The following UBE2W variants were observed in gnomAD, a reference collection of about 807,000 sequenced individuals.
UBE2W encodes the protein ubiquitin-conjugating enzyme E2 W.
In UBE2W, 18 loss-of-function variants were observed where a neutral mutation model predicts 27.2. The observed-to-expected ratio is 0.66, with a 90% CI of 0.46 to 0.98. The LOEUF (loss-of-function observed/expected upper bound fraction) is 0.98. Among genes scored for constraint, UBE2W ranks in the 50% least tolerant of loss-of-function variants. UBE2W has a pLI of 0.00. For synonymous variants in UBE2W, 53 were observed against 57.2 expected (o/e 0.93, Z 0.33); for missense variants, 90 against 180.2 (o/e 0.50, Z 2.87).
chr8:73,840,291 C>T (rs769009849), intron 1 of UBE2W, among the ~76,000 whole-genome samples: 2 of 149,528 alleles, frequency 1.3e-5, no homozygotes, highest in Non-Finnish European at 3.0e-5. Context: ...CTCCTGACCT[C>T]GTGATCCGCC....
At chr8:73,855,222 C>A (rs1015368695) in intron 1 of UBE2W, among the ~76,000 whole-genome samples, 1 of 152,072 alleles carries the variant, frequency 6.6e-6, no homozygotes, top group Non-Finnish European at 1.5e-5. Flanking sequence ...AGTGAGAGAG[C>A]ACTTTTTACT....
chr8:73,812,788 A>ACAG (rs796879628), intron 3 of UBE2W, among the ~76,000 whole-genome samples: 23 of 152,136 alleles, frequency 1.5e-4, no homozygotes, highest in African/African-American at 5.5e-4. Flanking sequence ...GGATCACCTG[A>ACAG]GGTCAGCAGT....
chr8:73,787,716 C>CA lies in UBE2W; in HGVS notation c.*6385dup, dbSNP rs1214779986. The stretch of plus-strand genomic sequence containing the variant: ...TCTTCTTGCAGCTTCAAGAGTCACT[C>CA]ATTTAAGTCATTAGTTGATCTGTTT... On this transcript the variant is annotated 3_prime_UTR_variant, in exon 6 of 6. Transcript: ENST00000602593. 2 of 985,296 alleles carry CA rather than the reference C, an allele frequency of 2.0e-6. No homozygotes were observed. Among genetic ancestry groups the CA allele is most frequent in the African/African-American group, 3.5e-5 (2 of 57,228 alleles). 61.0% of individuals were successfully genotyped at this position (985,296 alleles called of 1,614,324 possible). A position where few individuals can be genotyped will look rare whatever the true frequency, so the allele number is the denominator to read the frequency against.
chr8:73,797,618 A>ATACTAC (rs1227737832), intron 5 of UBE2W, among the ~76,000 whole-genome samples: 1 of 152,220 alleles, frequency 6.6e-6, no homozygotes, highest in Non-Finnish European at 1.5e-5. Flanking sequence ...AAGGAGTTTG[A>ATACTAC]TACTACTAGT....
At chr8:73,820,788 C>A (rs926089852) in intron 3 of UBE2W, among the ~76,000 whole-genome samples, 1 of 150,496 alleles carries the variant, frequency 6.6e-6, no homozygotes, top group African/African-American at 2.5e-5. Flanking sequence ...AACAAAAAAA[C>A]AAAATAAAAA....
At chr8:73,875,424 G>A (rs1812180065) in intron 1 of UBE2W, among the ~76,000 whole-genome samples, 1 of 152,140 alleles carries the variant, frequency 6.6e-6, no homozygotes, top group African/African-American at 2.4e-5. Flanking sequence ...CATTAAAGCA[G>A]TTACTAGCTC....
At chr8:73,838,552 C>A (rs1190743713) in intron 1 of UBE2W, among the ~76,000 whole-genome samples, 1 of 152,156 alleles carries the variant, frequency 6.6e-6, no homozygotes, top group Non-Finnish European at 1.5e-5. Context: ...CCAGCCTGCA[C>A]AACAAAGTGA....
intron 1 of UBE2W, among the ~76,000 whole-genome samples, chr8:73,869,492 A>T (rs1234009629): frequency 1.3e-5 from 2 of 152,146 alleles, no homozygotes. Flanking sequence ...GAAGTAAGAG[A>T]CCAGATTGGC....
At position 73,825,122 on chromosome 8, in the gene UBE2W, A is replaced by C. The variant is rs1196949914; in HGVS notation, c.210+25T>G. 2.7e-6 allele frequency: 4 copies of C among 1,490,268 alleles called. No individual in the cohort carries two copies. In the South Asian group the frequency reaches 5.2e-5, roughly 19 times the overall value. 92.3% of individuals were successfully genotyped at this position (1,490,268 alleles called of 1,614,324 possible). A position where few individuals can be genotyped will look rare whatever the true frequency, so the allele number is the denominator to read the frequency against. On this transcript the variant is annotated intron_variant, in intron 3 of 5. Coordinates refer to ENST00000602593, the MANE Select transcript of UBE2W (RefSeq NM_018299.6). ...ATTTAGCTATCTAAAAATACAAAAA[A>C]AAAAATTTAAAGCAAGGCAATTACC...
intron 5 of UBE2W, among the ~76,000 whole-genome samples, chr8:73,795,360 T>C (rs539271662): frequency 1.4e-4 from 22 of 152,280 alleles, no homozygotes; most frequent in Non-Finnish European, 2.2e-4. Context: ...TGGGACCTCC[T>C]TCCTGTCTCT....
intron 1 of UBE2W, among the ~76,000 whole-genome samples, chr8:73,844,416 C>T (rs528320795): frequency 3.3e-5 from 5 of 152,320 alleles, no homozygotes; most frequent in African/African-American, 7.2e-5. Context: ...CCCGAGGTGC[C>T]GGGATTGCAG....
chr8:73,806,799 AAT>A (rs2130867259), intron 4 of UBE2W, among the ~76,000 whole-genome samples: 1 of 152,354 alleles, frequency 6.6e-6, no homozygotes, highest in South Asian at 2.1e-4. Context: ...TTTTTACTGT[AAT>A]AGAATACCAT....
chr8:73,848,333 T>C (rs768229562), intron 1 of UBE2W, among the ~76,000 whole-genome samples: 11 of 152,058 alleles, frequency 7.2e-5, no homozygotes, highest in Non-Finnish European at 1.3e-4. Flanking sequence ...AAAATAAATA[T>C]ACAGTATAAT....
At chr8:73,835,232 GA>G (rs60143568) in intron 1 of UBE2W, among the ~76,000 whole-genome samples, 16,357 of 133,066 alleles carry the variant, frequency 0.12, 2,656 homozygotes, top group African/African-American at 0.38. Context: ...GGGTTCTATA[GA>G]AAAAAAAAAA....
intron 1 of UBE2W, among the ~76,000 whole-genome samples, chr8:73,834,295 G>T (rs1055036894): frequency 6.6e-6 from 1 of 152,126 alleles, no homozygotes; most frequent in African/African-American, 2.4e-5. Context: ...TTTGAATAAA[G>T]ACAAATTTAT....
intron 5 of UBE2W, among the ~76,000 whole-genome samples, chr8:73,795,593 T>C (rs1808378160): frequency 6.6e-6 from 1 of 152,182 alleles, no homozygotes; most frequent in Non-Finnish European, 1.5e-5. Flanking sequence ...AGAATTGATA[T>C]ACTGCTAATT....
chr8:73,786,203 A>T, downstream of UBE2W: 1 of 985,162 alleles, frequency 1.0e-6, no homozygotes, highest in Non-Finnish European at 1.2e-6. Context: ...ACACCTATAA[A>T]AAAAGCCAAA....
At chr8:73,870,186 T>G in intron 1 of UBE2W, 1 of 1,429,516 alleles carries the variant, frequency 7.0e-7, no homozygotes, top group Non-Finnish European at 9.6e-7. Context: ...TAAAAGGATG[T>G]CAAAATGGAC....
chr8:73,860,134 TG>T (rs1360904187), intron 1 of UBE2W, among the ~76,000 whole-genome samples: 1 of 87,486 alleles, frequency 1.1e-5, no homozygotes, highest in Non-Finnish European at 2.7e-5. Context: ...AAATCTACTA[TG>T]GGGGGCAGGG....
Sources: gnomAD v4.1 joint callset for allele counts (sites outside exome capture counted in the v4.1 genomes callset) on GRCh38, gnomAD v4.1.1 for gene constraint, MANE v1.5 for transcripts, NCBI Gene and HGNC (gene_info 2026-07-23, HGNC 2026-07-21) for gene names.